ALK: variants seen among roughly 807,000 people sequenced by gnomAD.
ALK encodes the protein ALK receptor tyrosine kinase, also known as ALK tyrosine kinase receptor.
Under a neutral mutation model 163.1 loss-of-function variants are expected in ALK, and 74 were observed. The observed-to-expected ratio is 0.45, with a 90% CI of 0.38 to 0.55. The LOEUF (loss-of-function observed/expected upper bound fraction) is 0.55. ALK is among the 20% of genes least tolerant of loss of function. The pLI, the probability that ALK is intolerant of heterozygous loss-of-function variation, is 0.00. For missense variants in ALK, 2,063 were observed against 2,105.3 expected, an observed-to-expected ratio of 0.98 and a Z score of 0.39; for synonymous variants, 960 against 843.2, an observed-to-expected ratio of 1.14 and a Z score of -2.40.
intron 2 of ALK, among the ~76,000 whole-genome samples, chr2:29,708,664 T>C (rs1249943963): frequency 1.3e-5 from 2 of 152,150 alleles, no homozygotes; most frequent in Non-Finnish European, 2.9e-5. Context: ...AAATACTTTG[T>C]GAGCCATCTT....
intron 3 of ALK, among the ~76,000 whole-genome samples, chr2:29,690,381 T>C (rs1678359435): frequency 6.6e-6 from 1 of 151,990 alleles, no homozygotes; most frequent in African/African-American, 2.4e-5. Context: ...CACTGTGGAG[T>C]CTGCTTCCAT....
intron 6 of ALK, among the ~76,000 whole-genome samples, chr2:29,326,459 A>G (rs1010225783): frequency 6.6e-6 from 1 of 152,182 alleles, no homozygotes; most frequent in Admixed American, 6.5e-5. Flanking sequence ...TCGCGAAATC[A>G]CAGAGTTCAG....
intron 4 of ALK, among the ~76,000 whole-genome samples, chr2:29,415,146 C>T (rs1002916249): frequency 6.7e-6 from 1 of 148,646 alleles, no homozygotes; most frequent in African/African-American, 2.5e-5. Flanking sequence ...ATCTAGAATG[C>T]CATGGTCTGA....
intron 1 of ALK, among the ~76,000 whole-genome samples, chr2:29,911,292 C>T (rs891648710): frequency 2.0e-5 from 3 of 152,156 alleles, no homozygotes; most frequent in African/African-American, 7.2e-5. Context: ...ATGATGGTGA[C>T]CCTTCAGTAG....
Position 29,265,842 on chromosome 2 carries a change from G to T in ALK, c.2041+9257C>A, listed in dbSNP as rs192873128. ...GTCTCTACTAAAAATGCAAAAATTA[G>T]CTGGGTGTGGTGGCAGGTGCCTGTA... is the stretch of plus-strand genomic sequence containing the variant. On this transcript the variant is annotated intron_variant, in intron 11 of 28. Transcript: ENST00000389048. 7.3e-3 allele frequency among the ~76,000 whole-genome samples: 1,116 copies of T among 152,238 alleles called. 10 individuals are homozygous for T. Among genetic ancestry groups the T allele is most frequent in the African/African-American group, 0.025 (1,041 of 41,540 alleles).
At chr2:29,853,103 TA>T (rs138969820) in intron 1 of ALK, among the ~76,000 whole-genome samples, 152 of 152,310 alleles carry the variant, frequency 1.0e-3, no homozygotes, top group African/African-American at 3.4e-3. Flanking sequence ...AGAAAACTCA[TA>T]AACTAGCAGT....
chr2:29,201,660 G>C (rs566772401), intron 26 of ALK, among the ~76,000 whole-genome samples: 1 of 151,892 alleles, frequency 6.6e-6, no homozygotes, highest in South Asian at 2.1e-4. Context: ...GGTAGCACGC[G>C]TCTGTAATCC....
At chr2:29,613,489 G>T (rs9789489) in intron 3 of ALK, among the ~76,000 whole-genome samples, 94,567 of 152,112 alleles carry the variant, frequency 0.62, 30,834 homozygotes, top group East Asian at 0.73. Context: ...ATCAGCTTTG[G>T]AAACACAAGT....
chr2:29,916,937 G>A (rs1667850527), intron 1 of ALK, among the ~76,000 whole-genome samples: 1 of 152,094 alleles, frequency 6.6e-6, no homozygotes, highest in African/African-American at 2.4e-5. Flanking sequence ...CTCCATGAAT[G>A]GGTGAATTTG....
intron 1 of ALK, among the ~76,000 whole-genome samples, chr2:29,826,061 G>C (rs147639697): frequency 6.6e-6 from 1 of 151,948 alleles, no homozygotes; most frequent in African/African-American, 2.4e-5. Context: ...TGCTCTCCTG[G>C]GGCTCTTTCA....
At chr2:29,396,471 C>T (rs1185335881) in intron 4 of ALK, among the ~76,000 whole-genome samples, 5 of 152,052 alleles carry the variant, frequency 3.3e-5, no homozygotes, top group African/African-American at 4.8e-5. Context: ...GTCAGGAGTT[C>T]GAGACCAGCC....
intron 1 of ALK, among the ~76,000 whole-genome samples, chr2:29,883,221 T>C (rs1163102686): frequency 6.6e-6 from 1 of 152,176 alleles, no homozygotes; most frequent in Non-Finnish European, 1.5e-5. Context: ...ACTTCCCTGT[T>C]AGGCAGGTCA....
intron 24 of ALK, among the ~76,000 whole-genome samples, chr2:29,210,464 G>C (rs921110101): frequency 6.6e-6 from 1 of 152,142 alleles, no homozygotes; most frequent in Non-Finnish European, 1.5e-5. Context: ...ACAGAGTCTT[G>C]CTCTGTTACC....
At chr2:29,563,745 G>C (rs913679022) in intron 3 of ALK, among the ~76,000 whole-genome samples, 1 of 152,178 alleles carries the variant, frequency 6.6e-6, no homozygotes, top group African/African-American at 2.4e-5. Context: ...AATGAACTAT[G>C]GGGGGAGTTA....
chr2:29,565,398 T>A (rs928407631), intron 3 of ALK, among the ~76,000 whole-genome samples: 1 of 152,140 alleles, frequency 6.6e-6, no homozygotes, highest in African/African-American at 2.4e-5. Flanking sequence ...TGCTTAGTGT[T>A]TAGCAAGCCC....
intron 4 of ALK, among the ~76,000 whole-genome samples, chr2:29,508,073 A>T (rs1672386746): frequency 6.6e-6 from 1 of 152,080 alleles, no homozygotes. Context: ...TGAGGGTCTG[A>T]TCTAGAACTT....
At chr2:29,260,379 A>G (rs922323044) in intron 11 of ALK, among the ~76,000 whole-genome samples, 1 of 152,042 alleles carries the variant, frequency 6.6e-6, no homozygotes, top group African/African-American at 2.4e-5. Context: ...CGCCCTCTGT[A>G]TCCTGTTTTT....
At chr2:29,879,317 G>T (rs116207072) in intron 1 of ALK, among the ~76,000 whole-genome samples, 1 of 152,358 alleles carries the variant, frequency 6.6e-6, no homozygotes, top group Non-Finnish European at 1.5e-5. Flanking sequence ...CAAAGTGCTT[G>T]TGGTTGATCA....
intron 2 of ALK, among the ~76,000 whole-genome samples, chr2:29,696,694 T>C (rs1023707851): frequency 6.6e-6 from 1 of 151,934 alleles, no homozygotes. Context: ...TCCCCACCCA[T>C]AGAAGAGAAT....
Sources: gnomAD v4.1 joint callset for allele counts (sites outside exome capture counted in the v4.1 genomes callset) on GRCh38, gnomAD v4.1.1 for gene constraint, MANE v1.5 for transcripts, NCBI Gene and HGNC (gene_info 2026-07-23, HGNC 2026-07-21) for gene names.